Variants in PRPSAP1 observed in about 807,000 individuals in gnomAD.
PRPSAP1 encodes the protein phosphoribosyl pyrophosphate synthase-associated protein 1.
A neutral mutation model predicts 39.4 loss-of-function variants in PRPSAP1; 31 were observed. That is an observed-to-expected ratio of 0.79 (90% CI 0.59 to 1.06). The LOEUF (loss-of-function observed/expected upper bound fraction) is 1.06. Among genes scored for constraint, PRPSAP1 ranks in the 50% least tolerant of loss-of-function variants. PRPSAP1 has a pLI of 0.00. For missense variants in PRPSAP1, 430 were observed against 511.6 expected (o/e 0.84, Z 1.54); for synonymous variants, 212 against 192.6 (o/e 1.10, Z -0.83).
chr17:76,344,375 CGCCTCGGCCTCCCAAAGT>C (rs2071473039), intron 3 of PRPSAP1, among the ~76,000 whole-genome samples: 1 of 152,148 alleles, frequency 6.6e-6, no homozygotes, highest in Admixed American at 6.6e-5. Flanking sequence ...GTGATCCGCC[CGCCTCGGCCTCCCAAAGT>C]GCTGGGATTA....
In PRPSAP1 at chr17:76,309,971, A is replaced by G. The variant is rs749405883; in HGVS notation, c.*1571T>C. On this transcript the variant is annotated 3_prime_UTR_variant, in exon 10 of 10. Coordinates refer to ENST00000446526, the MANE Select transcript of PRPSAP1 (RefSeq NM_002766.3). ...AGTAGGCCTTTAAGGGGTTATCAAA[A>G]TAACTAGTTCTTTGCAGTCTTTTTT... The G allele has an allele frequency of 1.3e-5, 2 of 151,526 alleles. No individual in the cohort carries two copies. Among genetic ancestry groups the G allele is most frequent in the African/African-American group, 2.4e-5 (1 of 41,010 alleles). The allele number at this position is 151,526 out of a possible 1,614,324, so 9.4% of individuals were successfully genotyped here.
rs540663596 is a variant in PRPSAP1 at position 76,337,054 on chromosome 17, A to T, written c.291-4619T>A. On this transcript the variant is annotated intron_variant, in intron 3 of 9. Coordinates refer to ENST00000446526, the MANE Select transcript of PRPSAP1 (RefSeq NM_002766.3). ...GCTCTTGTAGTCTTTATCTCTAAGTAGGACATTCTTAATTGTTTTACCAAC... is the reference window on the plus strand; with the variant it reads ...GCTCTTGTAGTCTTTATCTCTAAGTTGGACATTCTTAATTGTTTTACCAAC... Among the ~76,000 whole-genome samples the T allele has an allele frequency of 1.0e-3, 158 of 152,252 alleles. 1 individual carries two copies. The South Asian group carries it at 0.029, about 28-fold the overall frequency.
intron 7 of PRPSAP1, 72 bp from the exon 8 acceptor site, chr17:76,313,963 T>C (rs2071094976): frequency 6.6e-7 from 1 of 1,520,626 alleles, no homozygotes; most frequent in Non-Finnish European, 9.0e-7. Flanking sequence ...CACAACCTAA[T>C]TCCCTGGAAA....
At chr17:76,348,481 T>G in intron 2 of PRPSAP1, 48 bp downstream of exon 2, 1 of 1,233,722 alleles carries the variant, frequency 8.1e-7, no homozygotes, top group Admixed American at 3.7e-5. Flanking sequence ...TCAAAAAAAC[T>G]AAATAAATAA....
At chr17:76,312,621 G>C (rs184105875) in intron 9 of PRPSAP1, among the ~76,000 whole-genome samples, 1 of 151,996 alleles carries the variant, frequency 6.6e-6, no homozygotes, top group Non-Finnish European at 1.5e-5. Flanking sequence ...GTAATTTATC[G>C]AATACTATAC....
intron 7 of PRPSAP1, among the ~76,000 whole-genome samples, chr17:76,327,622 C>T (rs1161584283): frequency 6.6e-6 from 1 of 151,998 alleles, no homozygotes; most frequent in African/African-American, 2.4e-5. Context: ...CACTGCACTC[C>T]AGCCTGGCGA....
Position 76,353,616 on chromosome 17 carries a change from T to C in PRPSAP1, c.88A>G (p.Met30Val), listed in dbSNP as rs1171644144. Residue 30 changes from methionine to valine, a missense_variant, in exon 1 of 10, where the codon ATG becomes GTG. Met to Val is a conservative substitution (Grantham distance 21, BLOSUM62 1). Transcript: ENST00000446526. ...PRARPVPPPA[M>V]NAARTGYRVF... ...CGGTAGCCGGTGCGAGCGGCGTTCA[T>C]GGCCGGCGGGGGAACGGGGCGGGCG... 4 of 1,554,672 alleles carry C rather than the reference T, an allele frequency of 2.6e-6. No individual in the cohort carries two copies. The highest frequency in any genetic ancestry group is 1.9e-5 in the Admixed American group (1 of 53,618).
Position 76,348,575 on chromosome 17 carries a change from A to T in PRPSAP1, c.177T>A (p.Leu59=), listed in dbSNP as rs1380792307. 3 of 1,530,144 alleles carry T rather than the reference A, an allele frequency of 2.0e-6. No homozygotes were observed. Among genetic ancestry groups the T allele is most frequent in the African/African-American group, 2.9e-5 (2 of 69,238 alleles). The allele number at this position is 1,530,144 out of a possible 1,614,324, so 94.8% of individuals were successfully genotyped here. The change falls in exon 2 of 10, where the codon CTT becomes CTA. Residue 59 remains leucine, a synonymous_variant. Transcript: ENST00000446526. ...TELAKRITER[L]GAELGKSVVY... Reference sequence around the variant, plus strand: ...CAACAGACTTCCCCAATTCAGCACCAAGGCGCCTATAGATCAAAAAGAACA... The same window carrying T: ...CAACAGACTTCCCCAATTCAGCACCTAGGCGCCTATAGATCAAAAAGAACA...
intron 7 of PRPSAP1, among the ~76,000 whole-genome samples, chr17:76,317,071 A>G (rs1422060451): frequency 6.6e-6 from 1 of 152,270 alleles, no homozygotes; most frequent in Non-Finnish European, 1.5e-5. Flanking sequence ...TGACATTAAA[A>G]AGAGATGAGT....
Position 76,312,927 on chromosome 17 carries a change from G to T in PRPSAP1, c.942C>A (p.Thr314=), listed in dbSNP as rs778842280. The T allele has an allele frequency of 6.2e-7, 1 of 1,614,080 alleles. No individual in the cohort carries two copies. Among genetic ancestry groups the T allele is most frequent in the South Asian group, 1.1e-5 (1 of 91,064 alleles). The change falls in exon 9 of 10, where the codon ACC becomes ACA. Residue 314 remains threonine, a synonymous_variant. Coordinates refer to ENST00000446526, the MANE Select transcript of PRPSAP1 (RefSeq NM_002766.3). ...RGAYKIYVMA[T]HGILSAEAPR... is the part of the protein sequence containing the mutation. ...GGGCCTCTGCAGACAGGATGCCGTGGGTGGCCATAACATAGATCTTATAGG... is the reference window on the plus strand; with the variant it reads ...GGGCCTCTGCAGACAGGATGCCGTGTGTGGCCATAACATAGATCTTATAGG...
intron 2 of PRPSAP1, chr17:76,345,765 G>T: frequency 3.8e-6 from 1 of 261,664 alleles, no homozygotes; most frequent in South Asian, 3.8e-5. Flanking sequence ...AATGACCCCC[G>T]ACTGAGCGCA....
At position 76,330,132 on chromosome 17, in the gene PRPSAP1, A is replaced by C. The variant is rs372471355; in HGVS notation, c.580-34T>G. On this transcript the variant is annotated intron_variant, in intron 5 of 9. Coordinates refer to ENST00000446526, the MANE Select transcript of PRPSAP1 (RefSeq NM_002766.3). ...GAAGGAAAAATAGAAAATACTGAAA[A>C]GTTATCAGAAAATAACACCTGGATG... 134 of 1,578,778 alleles carry C rather than the reference A, an allele frequency of 8.5e-5. No homozygotes were observed. In the African/African-American group the frequency reaches 1.5e-3, roughly 18 times the overall value.
Position 76,353,749 on chromosome 17 carries a change from A to C in PRPSAP1, c.-46T>G. ...TACGACCGGCCCCGCGCGGGGCTGC[A>C]CTCTGAGTGCTTCCGACTGCGAGAC... On this transcript the variant is annotated 5_prime_UTR_variant, in exon 1 of 10. Transcript: ENST00000446526. 7.1e-7 allele frequency: 1 copy of C among 1,407,182 alleles called. No individual in the cohort carries two copies. Among genetic ancestry groups the C allele is most frequent in the African/African-American group, 1.5e-5 (1 of 65,714 alleles). 87.2% of individuals were successfully genotyped at this position (1,407,182 alleles called of 1,614,324 possible). A position where few individuals can be genotyped will look rare whatever the true frequency, so the allele number is the denominator to read the frequency against.
At chr17:76,324,641 GA>G (rs2071232880) in intron 7 of PRPSAP1, among the ~76,000 whole-genome samples, 1 of 151,798 alleles carries the variant, frequency 6.6e-6, no homozygotes, top group Non-Finnish European at 1.5e-5. Context: ...ACATGCTACA[GA>G]AAGATCTTTT....
At chr17:76,342,442 G>C (rs1409748206) in intron 3 of PRPSAP1, among the ~76,000 whole-genome samples, 1 of 152,142 alleles carries the variant, frequency 6.6e-6, no homozygotes, top group Non-Finnish European at 1.5e-5. Context: ...GGCCGGGTGT[G>C]GTGGTTCATG....
chr17:76,313,607 G>T, intron 8 of PRPSAP1: 1 of 533,460 alleles, frequency 1.9e-6, no homozygotes, highest in South Asian at 2.6e-5. Context: ...TTTTCTCACG[G>T]GAGTACTGTG....
At chr17:76,316,192 GAAAAAAA>G (rs531349364) in intron 7 of PRPSAP1, among the ~76,000 whole-genome samples, 3 of 124,566 alleles carry the variant, frequency 2.4e-5, no homozygotes, top group African/African-American at 9.0e-5. Context: ...AAAAAAAAAA[GAAAAAAA>G]AAAAGAAAGA....
intron 4 of PRPSAP1, among the ~76,000 whole-genome samples, chr17:76,331,041 G>A (rs913003619): frequency 1.4e-4 from 22 of 152,262 alleles, no homozygotes; most frequent in East Asian, 1.9e-4. Flanking sequence ...GAACTGTAGC[G>A]AAGGCAAAAA....
chr17:76,319,861 G>A (rs374125695), intron 7 of PRPSAP1, among the ~76,000 whole-genome samples: 20 of 152,218 alleles, frequency 1.3e-4, no homozygotes, highest in African/African-American at 4.3e-4. Context: ...AACACGGGGC[G>A]TGGTTATAGC....
Sources: allele counts gnomAD v4.1 joint callset (sites outside exome capture counted in the v4.1 genomes callset), GRCh38; gene constraint gnomAD v4.1.1; transcripts MANE v1.5; gene names NCBI Gene and HGNC (gene_info 2026-07-23, HGNC 2026-07-21).